The following ZNF556 variants were observed in gnomAD, a reference collection of about 807,000 sequenced individuals.
The protein encoded by ZNF556 is zinc finger protein 556.
ZNF556 carries 11 observed loss-of-function variants against 13.6 expected under a neutral mutation model. The ratio of observed to expected loss-of-function variants is 0.81; its 90% CI spans 0.51 to 1.33. The LOEUF (loss-of-function observed/expected upper bound fraction) is 1.33. Among genes scored for constraint, ZNF556 ranks in the 40% most tolerant of loss-of-function variants. The probability of loss-of-function intolerance (pLI) is 0.00; values close to 1 mark genes in which losing one functional copy is unlikely to be tolerated. For missense variants in ZNF556, 633 were observed against 566.2 expected (o/e 1.12, Z -1.20); for synonymous variants, 229 against 207.8 (o/e 1.10, Z -0.88).
rs13345383 is a variant in ZNF556, at chr19:2,878,600, C to T, written c.*271C>T. 23,562 of 288,162 alleles carry T rather than the reference C, an allele frequency of 0.082. 1,745 individuals are homozygous for T. The highest frequency in any genetic ancestry group is 0.24 in the African/African-American group (10,681 of 44,584). The allele number at this position is 288,162 out of a possible 1,614,324, so 17.9% of individuals were successfully genotyped here. On this transcript the variant is annotated 3_prime_UTR_variant, in exon 4 of 4. Coordinates refer to ENST00000307635, the MANE Select transcript of ZNF556 (RefSeq NM_024967.3). ...CTGAGGCAGGAGAACGGCGTGAACC[C>T]GGGAGGCGGAGCTTGCAGTGAGCCG...
chr19:2,867,870 G>C (rs1358326095), intron 1 of ZNF556, among the ~76,000 whole-genome samples: 1 of 152,138 alleles, frequency 6.6e-6, no homozygotes, highest in Non-Finnish European at 1.5e-5. Flanking sequence ...GTGGCGGCAC[G>C]GGCTGGCCTG....
rs926945819 is a variant in ZNF556 at position 2,883,234 on chromosome 19, G to A, written c.*4905G>A. 1.3e-5 allele frequency: 2 copies of A among 152,088 alleles called. No individual in the cohort carries two copies. Among genetic ancestry groups the A allele is most frequent in the African/African-American group, 4.8e-5 (2 of 41,406 alleles). 9.4% of individuals were successfully genotyped at this position (152,088 alleles called of 1,614,324 possible). A position where few individuals can be genotyped will look rare whatever the true frequency, so the allele number is the denominator to read the frequency against. On this transcript the variant is annotated 3_prime_UTR_variant, in exon 4 of 4. Transcript: ENST00000307635. ...GCTGCAGACAGGATTATCATTTTGA[G>A]TAACATCCCAATGTATTTGTCATCC...
Position 2,877,502 on chromosome 19 carries a change from A to G in ZNF556, c.544A>G (p.Lys182Glu). The G allele has an allele frequency of 1.9e-6, 3 of 1,614,194 alleles. No homozygotes were observed. The highest frequency in any genetic ancestry group is 2.2e-5 in the East Asian group (1 of 44,888). The change falls in exon 4 of 4, where the codon AAA (lysine) becomes GAA (glutamate). Residue 182 changes from lysine to glutamate, a missense_variant. By Grantham distance (56) the Lys-to-Glu change is moderately conservative. Transcript: ENST00000307635. ...ATTATATAAATGTAAGGAATGTGGG[A>G]AAGCCTTCAGTCGCCCTTCCTACCT... is the stretch of plus-strand genomic sequence containing the variant. ...QKLYKCKECG[K>E]AFSRPSYLQT...
In ZNF556 at chr19:2,877,329, G is replaced by T; in HGVS notation, c.371G>T (p.Arg124Ile). 6.2e-7 allele frequency: 1 copy of T among 1,614,176 alleles called. No individual in the cohort carries two copies. The highest frequency in any genetic ancestry group is 8.5e-7 in the Non-Finnish European group (1 of 1,180,014). Residue 124 changes from arginine to isoleucine, a missense_variant, in exon 4 of 4, where the codon AGA (arginine) becomes ATA (isoleucine). Physicochemically the swap from Arg to Ile is moderately conservative, Grantham distance 97. Coordinates refer to ENST00000307635, the MANE Select transcript of ZNF556 (RefSeq NM_024967.3). ...CKSSKGNKRG[R>I]TFRKTRNCNR... ...AGCAGTAAAGGTAATAAACGTGGAA[G>T]AACCTTCAGAAAGACTCGAAATTGT...
chr19:2,876,855 T>C (rs1443026081), intron 3 of ZNF556, among the ~76,000 whole-genome samples: 1 of 152,186 alleles, frequency 6.6e-6, no homozygotes, highest in Admixed American at 6.6e-5. Flanking sequence ...ATTTCAACAG[T>C]ACAGGAAACT....
At chr19:2,873,672 G>A (rs754517422) in intron 2 of ZNF556, 50 bp downstream of exon 2, 2 of 1,587,564 alleles carry the variant, frequency 1.3e-6, no homozygotes, top group Non-Finnish European at 1.7e-6. Context: ...TAAATGTTTT[G>A]TCTGGTTGCA....
At chr19:2,867,845 G>C (rs981667072) in intron 1 of ZNF556, among the ~76,000 whole-genome samples, 4 of 152,146 alleles carry the variant, frequency 2.6e-5, no homozygotes, top group Non-Finnish European at 5.9e-5. Context: ...TGGACAGGTG[G>C]TGCGGGCGCT....
Position 2,877,576 on chromosome 19 carries a change from A to T in ZNF556, c.618A>T (p.Gln206His). 4 of 1,614,156 alleles carry T rather than the reference A, an allele frequency of 2.5e-6. No homozygotes were observed. Residue 206 changes from glutamine (Q) to histidine (H), a missense_variant, in exon 4 of 4, where the codon CAA becomes CAT. Transcript: ENST00000307635. ...GTGGAGAGAAACCCTATGCCTGTCA[A>T]TCTTGCGGGAAGACATTTCTTCGTT... ...THSGEKPYAC[Q>H]SCGKTFLRSH... is the part of the protein sequence containing the mutation.
chr19:2,877,244 A>T, intron 3 of ZNF556, 29 bp from the exon 4 acceptor site: 1 of 1,536,024 alleles, frequency 6.5e-7, no homozygotes, highest in Non-Finnish European at 8.8e-7. Context: ...TAAGGCATAA[A>T]CCATTAATAA....
rs2087913077 is a variant in ZNF556, at chr19:2,882,554, G to GTGTGTGTGTGTGTGTT, written c.*4237_*4238insTGTTTGTGTGTGTGTG. 1 of 151,918 alleles carries GTGTGTGTGTGTGTGTT rather than the reference G, an allele frequency of 6.6e-6. No homozygotes were observed. The highest frequency in any genetic ancestry group is 1.5e-5 in the Non-Finnish European group (1 of 68,510). The allele number at this position is 151,918 out of a possible 1,614,324, so 9.4% of individuals were successfully genotyped here. On this transcript the variant is annotated 3_prime_UTR_variant, in exon 4 of 4. Transcript: ENST00000307635. ...ATAGTGTGTGTGTGTGTGTGTGTGT[G>GTGTGTGTGTGTGTGTT]TGTGTGTGTGTGAATGTGTGTGACG...
rs57053138 is a variant in ZNF556 at position 2,882,531 on chromosome 19, A to ATATAGTGTGTGTGTGTGTGTGTGTGTGT, written c.*4202_*4203insTATAGTGTGTGTGTGTGTGTGTGTGTGT. 1 of 127,722 alleles carries ATATAGTGTGTGTGTGTGTGTGTGTGTGT rather than the reference A, an allele frequency of 7.8e-6. No individual in the cohort carries two copies. Among genetic ancestry groups the ATATAGTGTGTGTGTGTGTGTGTGTGTGT allele is most frequent in the African/African-American group, 3.0e-5 (1 of 32,940 alleles). 7.9% of individuals were successfully genotyped at this position (127,722 alleles called of 1,614,324 possible). The stretch of plus-strand genomic sequence containing the variant: ...ATACATTTTATATATATATATATAT[A>ATATAGTGTGTGTGTGTGTGTGTGTGTGT]GTGTGTGTGTGTGTGTGTGTGTGTG... On this transcript the variant is annotated 3_prime_UTR_variant, in exon 4 of 4. Coordinates refer to ENST00000307635, the MANE Select transcript of ZNF556 (RefSeq NM_024967.3).
In ZNF556 at chr19:2,880,218, A is replaced by G. The variant is rs569914910; in HGVS notation, c.*1889A>G. ...ATAGAGCTGAATACAATCTCTCAGT[A>G]TGTGTTCAGTTATTATGTTTGATTA... On this transcript the variant is annotated 3_prime_UTR_variant, in exon 4 of 4. Transcript: ENST00000307635. The G allele has an allele frequency of 6.6e-6, 1 of 152,250 alleles. No individual in the cohort carries two copies. Among genetic ancestry groups the G allele is most frequent in the Admixed American group, 6.5e-5 (1 of 15,288 alleles). 9.4% of individuals were successfully genotyped at this position (152,250 alleles called of 1,614,324 possible). A position where few individuals can be genotyped will look rare whatever the true frequency, so the allele number is the denominator to read the frequency against.
intron 1 of ZNF556, 72 bp downstream of exon 1, chr19:2,867,496 C>G: frequency 1.3e-6 from 2 of 1,557,624 alleles, no homozygotes; most frequent in Non-Finnish European, 1.7e-6. Context: ...CCAGAACACG[C>G]TGAAACTCCC....
At chr19:2,874,587 A>G (rs1876251569) in intron 2 of ZNF556, among the ~76,000 whole-genome samples, 2 of 151,824 alleles carry the variant, frequency 1.3e-5, no homozygotes, top group Admixed American at 6.6e-5. Flanking sequence ...TACTAAAAAT[A>G]CAAAAAATTA....
At chr19:2,872,906 C>T (rs511358) in intron 1 of ZNF556, among the ~76,000 whole-genome samples, 100,330 of 151,576 alleles carry the variant, frequency 0.66, 34,820 homozygotes, top group African/African-American at 0.86. Context: ...GCCAAGACAG[C>T]TGGATTACTT....
At chr19:2,870,210 G>A (rs938174525) in intron 1 of ZNF556, among the ~76,000 whole-genome samples, 5 of 152,164 alleles carry the variant, frequency 3.3e-5, no homozygotes, top group African/African-American at 1.2e-4. Flanking sequence ...ACTTTGGGAG[G>A]CCGAGGCAGG....
chr19:2,877,487 TG>T lies in ZNF556; in HGVS notation c.530del (p.Cys177LeufsTer46), dbSNP rs1384639321. 6.2e-7 allele frequency: 1 copy of T among 1,614,158 alleles called. No individual in the cohort carries two copies. The highest frequency in any genetic ancestry group is 2.2e-5 in the East Asian group (1 of 44,884). ...RAHSGQKLYK[C>X]KECGKAFSRP... ...TCACTCTGGACAAAAATTATATAAA[TG>T]TAAGGAATGTGGGAAAGCCTTCAGT... On this transcript the variant is annotated frameshift_variant, in exon 4 of 4. Transcript: ENST00000307635. LOFTEE classifies it low-confidence loss of function (END_TRUNC).
At position 2,878,229 on chromosome 19, in the gene ZNF556, C is replaced by T; in HGVS notation, c.1271C>T (p.Pro424Leu). ...KNVRTQIGQK[P>L]SKCEKCGKAF... ...GTAAGAACGCAGATTGGACAGAAGCCCAGTAAATGCGAAAAATGTGGGAAA... is the reference window on the plus strand; with the variant it reads ...GTAAGAACGCAGATTGGACAGAAGCTCAGTAAATGCGAAAAATGTGGGAAA... The change falls in exon 4 of 4, where the codon CCC (proline) becomes CTC (leucine). Residue 424 changes from proline (P) to leucine (L), a missense_variant. Physicochemically the swap from Pro to Leu is moderately conservative, Grantham distance 98 (BLOSUM62 -3). Coordinates refer to ENST00000307635, the MANE Select transcript of ZNF556 (RefSeq NM_024967.3). 6.2e-7 allele frequency: 1 copy of T among 1,614,072 alleles called. No individual in the cohort carries two copies. Among genetic ancestry groups the T allele is most frequent in the Non-Finnish European group, 8.5e-7 (1 of 1,180,014 alleles).
At position 2,878,007 on chromosome 19, in the gene ZNF556, A is replaced by T. The variant is rs931069511; in HGVS notation, c.1049A>T (p.Lys350Met). The T allele has an allele frequency of 6.2e-7, 1 of 1,614,138 alleles. No individual in the cohort carries two copies. The highest frequency in any genetic ancestry group is 1.3e-5 in the African/African-American group (1 of 75,074). ...CCTGTGAGTGGGGGCAGCGTGGGAA[A>T]GTCTTCCGCGAGGCCTCGCCCCTCC... ...KKPVSGGSVG[K>M]SSARPRPSTD... Residue 350 changes from lysine (K) to methionine (M), a missense_variant, in exon 4 of 4, where the codon AAG becomes ATG. By Grantham distance (95) the Lys-to-Met change is moderately conservative. Transcript: ENST00000307635.
Sources: gnomAD v4.1 joint callset for allele counts (sites outside exome capture counted in the v4.1 genomes callset) on GRCh38, gnomAD v4.1.1 for gene constraint, MANE v1.5 for transcripts, NCBI Gene and HGNC (gene_info 2026-07-23, HGNC 2026-07-21) for gene names.